CCNB3: variants seen among roughly 807,000 people sequenced by gnomAD.
CCNB3 encodes G2/mitotic-specific cyclin-B3.
In CCNB3, 12 loss-of-function variants were observed where a neutral mutation model predicts 68.0. The observed-to-expected ratio is 0.18, with a 90% CI of 0.11 to 0.29. CCNB3 has a LOEUF of 0.29. Among genes scored for constraint, CCNB3 ranks in the 10% least tolerant of loss-of-function variants. The pLI is 1.00. For missense variants in CCNB3, 904 were observed against 993.1 expected, an observed-to-expected ratio of 0.91 and a Z score of 1.21; for synonymous variants, 354 against 388.9, an observed-to-expected ratio of 0.91 and a Z score of 1.06.
intron 7 of CCNB3, among the ~76,000 whole-genome samples, chrX:50,313,391 T>G (rs1557215337): frequency 8.9e-6 from 1 of 111,940 alleles, no homozygotes; most frequent in African/African-American, 3.2e-5. Context: ...AGTGTGAGCC[T>G]TGGTTCAGCA....
At chrX:50,226,903 G>A (rs1317217497) in intron 1 of CCNB3, among the ~76,000 whole-genome samples, 1 of 62,636 alleles carries the variant, frequency 1.6e-5, no homozygotes, top group African/African-American at 7.2e-5. Flanking sequence ...TATATATATA[G>A]AATATATAGT....
intron 8 of CCNB3, among the ~76,000 whole-genome samples, chrX:50,314,920 C>G (rs1557215553): frequency 9.5e-6 from 1 of 104,773 alleles, no homozygotes; most frequent in African/African-American, 3.5e-5. Context: ...TCCTGGATGG[C>G]AGGAAACTAG....
chrX:50,302,464 T>G (rs1395869129), intron 5 of CCNB3, among the ~76,000 whole-genome samples: 1 of 111,951 alleles, frequency 8.9e-6, no homozygotes, highest in Non-Finnish European at 1.9e-5. Context: ...AACAGCTTTA[T>G]TGAGATATAA....
intron 8 of CCNB3, among the ~76,000 whole-genome samples, chrX:50,326,169 T>A (rs939145637): frequency 8.9e-6 from 1 of 111,852 alleles, no homozygotes; most frequent in Middle Eastern, 4.2e-3. Context: ...ACCAACTCTT[T>A]TGATAGACCT....
intron 1 of CCNB3, among the ~76,000 whole-genome samples, chrX:50,227,750 G>C (rs1247936179): frequency 1.9e-5 from 1 of 52,842 alleles, no homozygotes; most frequent in Non-Finnish European, 3.4e-5. Context: ...AATATGTATA[G>C]AGAGAATATA....
intron 1 of CCNB3, among the ~76,000 whole-genome samples, chrX:50,212,643 C>G (rs1342786497): frequency 9.0e-6 from 1 of 110,709 alleles, no homozygotes; most frequent in Non-Finnish European, 1.9e-5. Context: ...CAGAAGAAAC[C>G]TTATACCCTT....
chrX:50,321,391 TATAACTATTTC>T (rs1408159360), intron 8 of CCNB3, among the ~76,000 whole-genome samples: 13 of 112,051 alleles, frequency 1.2e-4, no homozygotes, highest in African/African-American at 3.6e-4. Flanking sequence ...TCCAGAATTA[TATAACTATTTC>T]TACAAAATTT....
intron 1 of CCNB3, among the ~76,000 whole-genome samples, chrX:50,279,492 T>G (rs1936046637): frequency 1.2e-5 from 1 of 82,930 alleles, no homozygotes; most frequent in African/African-American, 4.5e-5. Flanking sequence ...TATTCATATA[T>G]AAATATATAT....
intron 1 of CCNB3, among the ~76,000 whole-genome samples, chrX:50,279,306 T>TTATGTTTAA (rs1394590604): frequency 1.4e-5 from 1 of 71,080 alleles, no homozygotes; most frequent in African/African-American, 6.6e-5. Flanking sequence ...ATATGAATAT[T>TTATGTTTAA]TATATTTAAT....
chrX:50,320,243 A>T (rs1459569658), intron 8 of CCNB3, among the ~76,000 whole-genome samples: 1 of 111,673 alleles, frequency 9.0e-6, no homozygotes, highest in East Asian at 2.8e-4. Flanking sequence ...AAGCGAAAAC[A>T]TTGGAGCCTG....
chrX:50,341,983 C>G (rs1278823600), intron 8 of CCNB3: 7 of 352,220 alleles, frequency 2.0e-5, no homozygotes, highest in Non-Finnish European at 4.9e-6. Context: ...TAAGGCTGGT[C>G]AACTACCCAA....
At chrX:50,336,385 G>A (rs1557218852) in intron 8 of CCNB3, among the ~76,000 whole-genome samples, 1 of 111,940 alleles carries the variant, frequency 8.9e-6, no homozygotes, top group Non-Finnish European at 1.9e-5. Flanking sequence ...CTGGCCTGGC[G>A]TTCGCCTTCC....
intron 1 of CCNB3, among the ~76,000 whole-genome samples, chrX:50,226,451 T>A (rs1935806724): frequency 1.4e-5 from 1 of 70,989 alleles, no homozygotes; most frequent in Non-Finnish European, 2.4e-5. Context: ...ATATAGAATA[T>A]ATATAAATAT....
At chrX:50,219,770 A>G (rs1935639577) in intron 1 of CCNB3, among the ~76,000 whole-genome samples, 1 of 111,405 alleles carries the variant, frequency 9.0e-6, no homozygotes, top group South Asian at 3.8e-4. Flanking sequence ...TTTTGTTTTC[A>G]TATGAAATTT....
chrX:50,224,892 C>T (rs908766281), intron 1 of CCNB3, among the ~76,000 whole-genome samples: 3 of 111,256 alleles, frequency 2.7e-5, no homozygotes, highest in Non-Finnish European at 5.7e-5. Context: ...TAAACTTTTC[C>T]ATGTCTCAGG....
At chrX:50,280,351 CA>C (rs1359672527) in intron 1 of CCNB3, among the ~76,000 whole-genome samples, 3 of 101,904 alleles carry the variant, frequency 2.9e-5, no homozygotes, top group South Asian at 8.5e-4. Flanking sequence ...TAGTTCCTGG[CA>C]CAAATCAGGT....
intron 5 of CCNB3, among the ~76,000 whole-genome samples, chrX:50,297,993 A>G (rs1398777689): frequency 9.0e-6 from 1 of 111,443 alleles, no homozygotes; most frequent in Non-Finnish European, 1.9e-5. Flanking sequence ...TATCCTGAGA[A>G]TTTGCTGAAG....
At chrX:50,342,422 T>C in intron 9 of CCNB3, 83 bp downstream of exon 9, 1 of 954,355 alleles carries the variant, frequency 1.0e-6, no homozygotes, top group Non-Finnish European at 1.4e-6. Flanking sequence ...TATATATTCA[T>C]TGTTATGTGC....
chrX:50,280,419 A>C (rs1253422081), intron 1 of CCNB3, among the ~76,000 whole-genome samples: 1 of 108,391 alleles, frequency 9.2e-6, no homozygotes, highest in Non-Finnish European at 1.9e-5. Flanking sequence ...TGAGATATTG[A>C]GCTATTAGCA....
Sources: gnomAD v4.1 joint callset for allele counts (sites outside exome capture counted in the v4.1 genomes callset) on GRCh38, gnomAD v4.1.1 for gene constraint, MANE v1.5 for transcripts, NCBI Gene and HGNC (gene_info 2026-07-23, HGNC 2026-07-21) for gene names.